The following RPUSD3 variants were observed in gnomAD, a reference collection of about 807,000 sequenced individuals.
RPUSD3 encodes RNA pseudouridine synthase D3.
In RPUSD3, 36 loss-of-function variants were observed where a neutral mutation model predicts 35.1. That is an observed-to-expected ratio of 1.02 (90% CI 0.79 to 1.35). The LOEUF (loss-of-function observed/expected upper bound fraction) is 1.35, where lower values mean the gene tolerates loss of function less well. Ranked by LOEUF, RPUSD3 falls within the 40% of genes most tolerant of loss-of-function variation. The pLI, the probability that RPUSD3 is intolerant of heterozygous loss-of-function variation, is 0.00. For synonymous variants in RPUSD3, 202 were observed against 187.8 expected (o/e 1.08, Z -0.62); for missense variants, 486 against 441.9 (o/e 1.10, Z -0.89).
At chr3:9,840,840 C>T (rs564090273) in intron 4 of RPUSD3, 35 bp from the exon 5 acceptor site, 2 of 1,531,168 alleles carry the variant, frequency 1.3e-6, no homozygotes, top group Admixed American at 1.8e-5. Context: ...AAGTTAAAGT[C>T]CCTTGAACTC....
intron 2 of RPUSD3, 126 bp downstream of exon 2, chr3:9,843,339 G>T: frequency 4.2e-6 from 6 of 1,421,850 alleles, no homozygotes; most frequent in Non-Finnish European, 5.8e-6. Context: ...TAGGTGGCTT[G>T]TCCCAGCTCA....
chr3:9,839,781 T>A (rs1435605955), intron 7 of RPUSD3: 2 of 166,472 alleles, frequency 1.2e-5, no homozygotes, highest in Non-Finnish European at 2.6e-5. Flanking sequence ...TTTCACCATG[T>A]TAGCCTGGCT....
exon 1 of RPUSD3, chr3:9,843,977 C>A: frequency 6.2e-7 from 1 of 1,603,298 alleles, no homozygotes; most frequent in Non-Finnish European, 8.5e-7. Context: ...GCCCAAAACA[C>A]GGCGGCCGTC....
chr3:9,842,540 G>A, intron 2 of RPUSD3: 1 of 495,738 alleles, frequency 2.0e-6, no homozygotes, highest in East Asian at 3.5e-5. Flanking sequence ...CCTTCCTCCT[G>A]CAGTTCCTCA....
exon 1 of RPUSD3, chr3:9,843,976 A>G: frequency 6.2e-7 from 1 of 1,603,640 alleles, no homozygotes; most frequent in Non-Finnish European, 8.5e-7. Flanking sequence ...GGCCCAAAAC[A>G]CGGCGGCCGT....
chr3:9,843,875 G>C lies in RPUSD3; in HGVS notation c.125+15C>G. 1 of 1,598,366 alleles carries C rather than the reference G, an allele frequency of 6.3e-7. No homozygotes were observed. The highest frequency in any genetic ancestry group is 8.5e-7 in the Non-Finnish European group (1 of 1,173,034). On this transcript the variant is annotated intron_variant, in intron 1 of 8. Coordinates refer to ENST00000383820, the Ensembl canonical transcript of RPUSD3. The stretch of plus-strand genomic sequence containing the variant: ...CTAGCCTCCGTCCCGCATGAGAGAG[G>C]GGGTACTTAATCACCGGGCTTCGGT...
chr3:9,843,511 C>T (rs758640954), exon 2 of RPUSD3: 3 of 1,614,090 alleles, frequency 1.9e-6, no homozygotes, highest in Non-Finnish European at 2.5e-6. Flanking sequence ...CCAGCTCCTC[C>T]CGACTGAGGT....
chr3:9,843,981 G>T (rs752196855), exon 1 of RPUSD3: 9 of 1,601,912 alleles, frequency 5.6e-6, no homozygotes, highest in South Asian at 2.2e-5. Flanking sequence ...AAAACACGGC[G>T]GCCGTCCATC....
At position 9,840,517 on chromosome 3, in the gene RPUSD3, C is replaced by T. The variant is rs2082087553; in HGVS notation, c.600+15G>A. ...TATCTAGAAGCACCCCTCCTCTTCC[C>T]AGACCCGGACTCACGAGATTGACCC... On this transcript the variant is annotated intron_variant, in intron 6 of 8. Coordinates refer to ENST00000383820, the Ensembl canonical transcript of RPUSD3. 5 of 1,613,636 alleles carry T rather than the reference C, an allele frequency of 3.1e-6. No individual in the cohort carries two copies. Among genetic ancestry groups the T allele is most frequent in the African/African-American group, 1.3e-5 (1 of 74,918 alleles).
chr3:9,843,495 C>T, exon 2 of RPUSD3: 17 of 1,614,068 alleles, frequency 1.1e-5, no homozygotes, highest in East Asian at 2.2e-5. Context: ...GCCCGCAGCG[C>T]ATCAACCAGC....
intron 2 of RPUSD3, chr3:9,843,122 C>T (rs1462476022): frequency 4.0e-6 from 1 of 251,478 alleles, no homozygotes; most frequent in Non-Finnish European, 7.8e-6. Context: ...GAACTCCTGA[C>T]CTCAGGTGAT....
chr3:9,838,105 T>C (rs1424382754), exon 9 of RPUSD3: 1 of 1,612,526 alleles, frequency 6.2e-7, no homozygotes, highest in Non-Finnish European at 8.5e-7. Flanking sequence ...TCCCTGGCCC[T>C]GGTGCCTGGG....
In RPUSD3 at chr3:9,842,644, A is replaced by T. The variant is rs2082120283; in HGVS notation, c.263-401T>A. The T allele has an allele frequency of 1.1e-5, 3 of 268,272 alleles. No homozygotes were observed. In the South Asian group the frequency reaches 1.4e-4, roughly 12 times the overall value. The allele number at this position is 268,272 out of a possible 1,614,324, so 16.6% of individuals were successfully genotyped here. ...ACATCCATTTCTCCCGTTAGAGAGA[A>T]ATCCATTTCTCCCCTGAGAGCAGAA... On this transcript the variant is annotated intron_variant, in intron 2 of 8. Transcript: ENST00000383820.
chr3:9,843,574 G>C (rs372271898), exon 2 of RPUSD3: 15 of 1,613,654 alleles, frequency 9.3e-6, no homozygotes, highest in Non-Finnish European at 1.3e-5. Flanking sequence ...CCGACCGTTG[G>C]CAGGAGCCGC....
At chr3:9,838,132 G>A (rs766408253) in exon 9 of RPUSD3, 27 of 1,612,416 alleles carry the variant, frequency 1.7e-5, no homozygotes, top group Admixed American at 1.7e-4. Context: ...AGCCGATGTA[G>A]GTGGAGGTGC....
intron 7 of RPUSD3, 34 bp from the exon 8 acceptor site, chr3:9,839,205 C>G: frequency 1.3e-6 from 2 of 1,590,334 alleles, no homozygotes; most frequent in Non-Finnish European, 1.7e-6. Flanking sequence ...AGACAGTGGG[C>G]AGCTACTCGT....
intron 5 of RPUSD3, 21 bp from the exon 6 acceptor site, chr3:9,840,637 G>T (rs779384873): frequency 3.1e-6 from 5 of 1,612,692 alleles, no homozygotes; most frequent in East Asian, 2.2e-5. Flanking sequence ...GGCAGGAGGA[G>T]GTCACAGGGT....
intron 7 of RPUSD3, chr3:9,839,385 C>T: frequency 2.0e-6 from 1 of 510,508 alleles, no homozygotes; most frequent in Non-Finnish European, 3.4e-6. Context: ...GGGATCCACT[C>T]ATGATGAGAT....
chr3:9,840,366 C>T (rs2082085104), intron 6 of RPUSD3, 59 bp from the exon 7 acceptor site: 1 of 1,613,716 alleles, frequency 6.2e-7, no homozygotes, highest in African/African-American at 1.3e-5. Context: ...ATACCCAGAC[C>T]CTCCCTGCTC....
Sources: gnomAD v4.1 joint callset for allele counts on GRCh38, gnomAD v4.1.1 for gene constraint, MANE v1.5 for transcripts, NCBI Gene and HGNC (gene_info 2026-07-23, HGNC 2026-07-21) for gene names.